Variants in RUBCNL observed in about 807,000 individuals in gnomAD.
The protein encoded by RUBCNL is protein associated with UVRAG as autophagy enhancer.
A neutral mutation model predicts 69.5 loss-of-function variants in RUBCNL; 62 were observed. The observed-to-expected ratio is 0.89, with a 90% confidence interval of 0.73 to 1.10. RUBCNL has a LOEUF of 1.10. Ranked by LOEUF, RUBCNL falls within the 50% of genes least tolerant of loss-of-function variation. The pLI is 0.00. For missense variants in RUBCNL, 768 were observed against 798.1 expected, an observed-to-expected ratio of 0.96 and a Z score of 0.45; for synonymous variants, 291 against 303.6, an observed-to-expected ratio of 0.96 and a Z score of 0.43.
At position 46,342,889 on chromosome 13, in the gene RUBCNL, ATGAT is replaced by A. The variant is rs1320635882; in HGVS notation, c.*492_*495del. ...AAACTCTGAAGTAAATAAAATGTGT[ATGAT>A]TGACACAATCACAAAATGGCATTTA... is the stretch of plus-strand genomic sequence containing the variant. On this transcript the variant is annotated 3_prime_UTR_variant, in exon 15 of 15. Coordinates refer to ENST00000429979, the MANE Select transcript of RUBCNL (RefSeq NM_025113.5). 1 of 154,410 alleles carries A rather than the reference ATGAT, an allele frequency of 6.5e-6. No individual in the cohort carries two copies. Among genetic ancestry groups the A allele is most frequent in the Non-Finnish European group, 1.4e-5 (1 of 69,370 alleles). 9.6% of individuals were successfully genotyped at this position (154,410 alleles called of 1,614,324 possible). A position where few individuals can be genotyped will look rare whatever the true frequency, so the allele number is the denominator to read the frequency against.
chr13:46,373,282 A>C (rs2048919128), intron 2 of RUBCNL, among the ~76,000 whole-genome samples: 1 of 152,102 alleles, frequency 6.6e-6, no homozygotes, highest in African/African-American at 2.4e-5. Context: ...CCATTTCCAT[A>C]TGTTCTTATT....
At chr13:46,384,739 A>AAATCTG (rs2049199637) in intron 1 of RUBCNL, among the ~76,000 whole-genome samples, 1 of 152,234 alleles carries the variant, frequency 6.6e-6, no homozygotes, top group Non-Finnish European at 1.5e-5. Context: ...ACTGATGACA[A>AAATCTG]AAAGGCTTGA....
intron 3 of RUBCNL, among the ~76,000 whole-genome samples, chr13:46,370,709 T>C (rs958554774): frequency 1.3e-5 from 2 of 152,146 alleles, no homozygotes; most frequent in Admixed American, 1.3e-4. Context: ...TGTACCATGA[T>C]AGAATAAAAA....
rs1172509015 is a variant in RUBCNL at position 46,349,154 on chromosome 13, T to C, written c.1631+132A>G. On this transcript the variant is annotated intron_variant, in intron 12 of 14. Coordinates refer to ENST00000429979, the MANE Select transcript of RUBCNL (RefSeq NM_025113.5). ...TAGTAATTCAAAGAGATGGCATGAT[T>C]TCCCAAGGAAAGCCATGAGGTCATC... 4.2e-6 allele frequency: 3 copies of C among 710,698 alleles called. No homozygotes were observed. In the African/African-American group the frequency reaches 5.4e-5, roughly 13 times the overall value. The allele number at this position is 710,698 out of a possible 1,614,324, so 44.0% of individuals were successfully genotyped here. A position where few individuals can be genotyped will look rare whatever the true frequency, so the allele number is the denominator to read the frequency against.
chr13:46,349,456 T>C, intron 11 of RUBCNL, 109 bp from the exon 12 acceptor site: 1 of 1,072,302 alleles, frequency 9.3e-7, no homozygotes, highest in Non-Finnish European at 1.4e-6. Context: ...TGCACTTGTA[T>C]AAAACAAACC....
chr13:46,361,522 C>T lies in RUBCNL; in HGVS notation c.1038G>A (p.Leu346=). 1 of 1,612,462 alleles carries T rather than the reference C, an allele frequency of 6.2e-7. No homozygotes were observed. The highest frequency in any genetic ancestry group is 8.5e-7 in the Non-Finnish European group (1 of 1,179,108). Reference sequence around the variant, plus strand: ...TCCAGCACTTCTGGAACACGCGGTACAGCTCTTTGGCTAATAGTTCTGCAG... The same window carrying T: ...TCCAGCACTTCTGGAACACGCGGTATAGCTCTTTGGCTAATAGTTCTGCAG... ...FNSAELLAKE[L]YRVFQKCWIL... Residue 346 remains leucine, a synonymous_variant, in exon 8 of 15, where the codon CTG becomes CTA. Transcript: ENST00000429979.
chr13:46,335,028 G>A lies in RUBCNL; in HGVS notation c.*8357C>T, dbSNP rs1029324927. 6.6e-6 allele frequency among the ~76,000 whole-genome samples: 1 copy of A among 151,982 alleles called. No individual in the cohort carries two copies. The highest frequency in any genetic ancestry group is 1.5e-5 in the Non-Finnish European group (1 of 68,004). On this transcript the variant is annotated 3_prime_UTR_variant, in exon 15 of 15. Coordinates refer to ENST00000429979, the MANE Select transcript of RUBCNL (RefSeq NM_025113.5). ...GAGGAACAGCTCAGGAAGTGGTGCAGGTCAAGCCCAACAGGAAACCTACTT... is the reference window on the plus strand; with the variant it reads ...GAGGAACAGCTCAGGAAGTGGTGCAAGTCAAGCCCAACAGGAAACCTACTT...
chr13:46,350,431 G>A (rs963737498), intron 10 of RUBCNL, 80 bp from the exon 11 acceptor site: 12 of 1,009,942 alleles, frequency 1.2e-5, no homozygotes, highest in African/African-American at 8.0e-5. Context: ...CAATTCCTAC[G>A]CAAGATTCAA....
At chr13:46,362,303 T>C (rs112236493) in intron 7 of RUBCNL, among the ~76,000 whole-genome samples, 3,461 of 152,194 alleles carry the variant, frequency 0.023, 107 homozygotes, top group Admixed American at 0.088. Flanking sequence ...CCCAACCTGT[T>C]TAACTGAAAT....
At chr13:46,356,914 A>T (rs2048499280) in intron 9 of RUBCNL, among the ~76,000 whole-genome samples, 1 of 145,970 alleles carries the variant, frequency 6.9e-6, no homozygotes, top group African/African-American at 2.5e-5. Context: ...TTTTTGGTAG[A>T]GATAGGGTCT....
intron 1 of RUBCNL, among the ~76,000 whole-genome samples, chr13:46,381,469 A>G (rs930899897): frequency 1.3e-5 from 2 of 152,212 alleles, no homozygotes; most frequent in Non-Finnish European, 2.9e-5. Flanking sequence ...GAACAGCTAA[A>G]GGGTACCAGG....
In RUBCNL at chr13:46,359,407, C is replaced by CT; in HGVS notation, c.1265+78dup. The CT allele has an allele frequency of 3.4e-6, 4 of 1,187,998 alleles. No individual in the cohort carries two copies. In the East Asian group the frequency reaches 1.1e-4, roughly 33 times the overall value. 73.6% of individuals were successfully genotyped at this position (1,187,998 alleles called of 1,614,324 possible). On this transcript the variant is annotated intron_variant, in intron 9 of 14. Coordinates refer to ENST00000429979, the MANE Select transcript of RUBCNL (RefSeq NM_025113.5). ...TCTTTAGCATATGTATTTTTTTCAC[C>CT]TACTGCCATAGAGTCAGGTGGGATC...
rs1342246208 is a variant in RUBCNL, at chr13:46,360,919, T to C, written c.1119+522A>G. On this transcript the variant is annotated intron_variant, in intron 8 of 14. Coordinates refer to ENST00000429979, the MANE Select transcript of RUBCNL (RefSeq NM_025113.5). ...CAGCCTCTACCTAACAGGATACTTATGAGGATTAAAATGTGGACTGCTGGC... is the reference window on the plus strand; with the variant it reads ...CAGCCTCTACCTAACAGGATACTTACGAGGATTAAAATGTGGACTGCTGGC... 2.6e-5 allele frequency among the ~76,000 whole-genome samples: 4 copies of C among 152,132 alleles called. No individual in the cohort carries two copies. The South Asian group carries it at 6.2e-4, about 24-fold the overall frequency.
At chr13:46,383,517 C>T (rs985716820) in intron 1 of RUBCNL, among the ~76,000 whole-genome samples, 3 of 152,024 alleles carry the variant, frequency 2.0e-5, no homozygotes, top group Admixed American at 6.6e-5. Context: ...TCCAAATTTT[C>T]TACACACACA....
At chr13:46,354,248 C>T (rs774315306) in intron 10 of RUBCNL, among the ~76,000 whole-genome samples, 4 of 152,084 alleles carry the variant, frequency 2.6e-5, no homozygotes, top group Non-Finnish European at 5.9e-5. Context: ...AAGGATGTTA[C>T]TGAAAACCTG....
intron 5 of RUBCNL, among the ~76,000 whole-genome samples, chr13:46,366,476 T>G (rs1566080727): frequency 6.6e-6 from 1 of 152,230 alleles, no homozygotes; most frequent in Non-Finnish European, 1.5e-5. Context: ...TTGTCTACAC[T>G]GGTCATATGT....
At chr13:46,362,516 A>C in intron 7 of RUBCNL, 22 bp downstream of exon 7, 1 of 1,578,164 alleles carries the variant, frequency 6.3e-7, no homozygotes. Context: ...GTCTATGTGC[A>C]CTGTGCACAG....
At chr13:46,369,649 C>T (rs2063725493) in intron 3 of RUBCNL, among the ~76,000 whole-genome samples, 1 of 152,214 alleles carries the variant, frequency 6.6e-6, no homozygotes, top group Non-Finnish European at 1.5e-5. Context: ...TTCCTGCACC[C>T]TTAGCCACTC....
chr13:46,349,650 G>T (rs543072939), intron 11 of RUBCNL, among the ~76,000 whole-genome samples: 35 of 151,892 alleles, frequency 2.3e-4, no homozygotes, highest in African/African-American at 6.8e-4. Context: ...CTGTGCAGGA[G>T]AGGGGCTCCA....
Sources: gnomAD v4.1 joint callset for allele counts (sites outside exome capture counted in the v4.1 genomes callset) on GRCh38, gnomAD v4.1.1 for gene constraint, MANE v1.5 for transcripts, NCBI Gene and HGNC (gene_info 2026-07-23, HGNC 2026-07-21) for gene names.